The following SRRD variants were observed in gnomAD, a reference collection of about 807,000 sequenced individuals.
The protein encoded by SRRD is SRR1-like protein.
SRRD carries 28 observed loss-of-function variants against 30.7 expected under a neutral mutation model. The observed-to-expected ratio is 0.91, with a 90% CI of 0.68 to 1.25. SRRD has a LOEUF of 1.25. Among genes scored for constraint, SRRD ranks in the 50% most tolerant of loss-of-function variants. The pLI is 0.00. For synonymous variants in SRRD, 161 were observed against 159.6 expected, an observed-to-expected ratio of 1.01 and a Z score of -0.07; for missense variants, 415 against 417.3, an observed-to-expected ratio of 0.99 and a Z score of 0.05.
chr22:26,492,316 C>T lies in SRRD; in HGVS notation c.*644C>T, dbSNP rs561791002. ...CGTACTGGAAGTCCTTCCTCCGCTC[C>T]GTGTGGGTGAGATAGGCAATGTTCT... On this transcript the variant is annotated 3_prime_UTR_variant, in exon 7 of 7. Coordinates refer to ENST00000215917, the MANE Select transcript of SRRD (RefSeq NM_001013694.3). 3.8e-5 allele frequency: 61 copies of T among 1,614,192 alleles called. 1 individual carries two copies. The South Asian group carries it at 5.6e-4, about 15-fold the overall frequency.
intron 6 of SRRD, 194 bp from the exon 7 acceptor site, chr22:26,491,269 A>T (rs1392712540): frequency 1.5e-5 from 11 of 720,874 alleles, no homozygotes; most frequent in Non-Finnish European, 2.5e-5. Context: ...CTTTATTCTT[A>T]GTATCACAGT....
chr22:26,489,886 T>C (rs547985624), intron 4 of SRRD, among the ~76,000 whole-genome samples, 158 bp from the exon 5 acceptor site: 31 of 152,320 alleles, frequency 2.0e-4, no homozygotes, highest in African/African-American at 7.5e-4. Context: ...CCTGTAACTA[T>C]AGATTTCATA....
Position 26,483,911 on chromosome 22 carries a change from G to A in SRRD, c.21G>A (p.Ala7=), listed in dbSNP as rs956757921. The change falls in exon 1 of 7, where the codon GCG becomes GCA. Residue 7 remains alanine (A), a synonymous_variant. Transcript: ENST00000215917. MAAAAA[A]ALESWQAAAP... ...GACCAATGGCTGCGGCCGCAGCTGC[G>A]GCGCTGGAATCCTGGCAGGCGGCGG... 72 of 1,347,640 alleles carry A rather than the reference G, an allele frequency of 5.3e-5. No individual in the cohort carries two copies. The East Asian group carries it at 2.0e-3, about 37-fold the overall frequency. The allele number at this position is 1,347,640 out of a possible 1,614,324, so 83.5% of individuals were successfully genotyped here. A position where few individuals can be genotyped will look rare whatever the true frequency, so the allele number is the denominator to read the frequency against.
rs758342275 is a variant in SRRD at position 26,492,017 on chromosome 22, T to G, written c.*345T>G. ...TGGTTCTGGACCTGCCACAGTTCAC[T>G]TGGCCATGTCGATCAGGCTCTGCAG... On this transcript the variant is annotated 3_prime_UTR_variant, in exon 7 of 7. Transcript: ENST00000215917. The G allele has an allele frequency of 1.3e-6, 2 of 1,592,660 alleles. No homozygotes were observed. The highest frequency in any genetic ancestry group is 1.7e-6 in the Non-Finnish European group (2 of 1,169,542).
chr22:26,489,289 CCT>C (rs779976265), intron 4 of SRRD, among the ~76,000 whole-genome samples: 3 of 152,016 alleles, frequency 2.0e-5, no homozygotes, highest in Non-Finnish European at 4.4e-5. Flanking sequence ...GGAGCCAGTC[CCT>C]GTGTTCAGGG....
chr22:26,488,294 T>C lies in SRRD; in HGVS notation c.510+6T>C, dbSNP rs2147108484. ...TTTTGTTGGAAAAGTGCCAGGTACATTTTTGGATTCATTTTCATCTCCTCC... is the reference window on the plus strand; with the variant it reads ...TTTTGTTGGAAAAGTGCCAGGTACACTTTTGGATTCATTTTCATCTCCTCC... On this transcript the variant is annotated splice_donor_region_variant and intron_variant, in intron 3 of 6. Coordinates refer to ENST00000215917, the MANE Select transcript of SRRD (RefSeq NM_001013694.3). 1 of 1,613,150 alleles carries C rather than the reference T, an allele frequency of 6.2e-7. No individual in the cohort carries two copies. Among genetic ancestry groups the C allele is most frequent in the South Asian group, 1.1e-5 (1 of 91,064 alleles).
chr22:26,486,928 T>C (rs2091712994), intron 2 of SRRD, among the ~76,000 whole-genome samples: 3 of 150,304 alleles, frequency 2.0e-5, no homozygotes, highest in African/African-American at 7.3e-5. Context: ...TTTTTTTTTT[T>C]TTTTTTCTTT....
rs1469058188 is a variant in SRRD, at chr22:26,490,996, TTGTTTTTTTG to T, written c.765-28_765-19del. ...ACCTCCTAATCATGGTGTTTTTTTT[TTGTTTTTTTG>T]GTTTTTTTTAATTTCTAGGTTGTTG... On this transcript the variant is annotated intron_variant, in intron 5 of 6. Coordinates refer to ENST00000215917, the MANE Select transcript of SRRD (RefSeq NM_001013694.3). The T allele has an allele frequency of 2.5e-6, 4 of 1,597,392 alleles. No homozygotes were observed. Among genetic ancestry groups the T allele is most frequent in the East Asian group, 2.2e-5 (1 of 44,734 alleles).
rs2091725164 is a variant in SRRD at position 26,488,468 on chromosome 22, A to T, written c.589A>T (p.Thr197Ser). Residue 197 changes from threonine to serine, a missense_variant, in exon 4 of 7, where the codon ACT becomes TCT. By Grantham distance (58) the Thr-to-Ser change is moderately conservative (BLOSUM62 1). Coordinates refer to ENST00000215917, the MANE Select transcript of SRRD (RefSeq NM_001013694.3). Reference sequence around the variant, plus strand: ...TGAAGTCCTTAACACCCTTGGTGTGACTGTTCTCAGTGAGAACGAGGTAAG... The same window carrying T: ...TGAAGTCCTTAACACCCTTGGTGTGTCTGTTCTCAGTGAGAACGAGGTAAG... ...EIEVLNTLGV[T>S]VLSENEEGKR... is the part of the protein sequence containing the mutation. 6.2e-7 allele frequency: 1 copy of T among 1,614,026 alleles called. No individual in the cohort carries two copies. The highest frequency in any genetic ancestry group is 8.5e-7 in the Non-Finnish European group (1 of 1,179,850).
chr22:26,492,860 A>G lies in SRRD; in HGVS notation c.*1188A>G. 6.2e-6 allele frequency: 1 copy of G among 162,326 alleles called. No homozygotes were observed. The highest frequency in any genetic ancestry group is 1.4e-5 in the Non-Finnish European group (1 of 73,120). The allele number at this position is 162,326 out of a possible 1,614,324, so 10.1% of individuals were successfully genotyped here. A position where few individuals can be genotyped will look rare whatever the true frequency, so the allele number is the denominator to read the frequency against. On this transcript the variant is annotated 3_prime_UTR_variant, in exon 7 of 7. Coordinates refer to ENST00000215917, the MANE Select transcript of SRRD (RefSeq NM_001013694.3). ...TGAGTGTTTAAAGGATAATACCAAG[A>G]CCATAAATGCTAAGTGCTAATTGAG...
Position 26,493,393 on chromosome 22 carries a change from A to T in SRRD, c.*1721A>T, listed in dbSNP as rs1921476462. On this transcript the variant is annotated 3_prime_UTR_variant, in exon 7 of 7. Transcript: ENST00000215917. ...ATTCCAGTTCTAACTGCCACCCTTT[A>T]ACTATGTGACCTTGAACAGGCTCTC... is the stretch of plus-strand genomic sequence containing the variant. The T allele has an allele frequency of 6.6e-6, 1 of 152,242 alleles. No individual in the cohort carries two copies. Among genetic ancestry groups the T allele is most frequent in the Non-Finnish European group, 1.5e-5 (1 of 68,064 alleles). 9.4% of individuals were successfully genotyped at this position (152,242 alleles called of 1,614,324 possible). A position where few individuals can be genotyped will look rare whatever the true frequency, so the allele number is the denominator to read the frequency against.
intron 1 of SRRD, 101 bp from the exon 2 acceptor site, chr22:26,485,919 AGGG>A: frequency 7.3e-7 from 1 of 1,373,994 alleles, no homozygotes; most frequent in East Asian, 2.3e-5. Context: ...CCTGCATTGC[AGGG>A]CACCTCATTC....
Position 26,488,391 on chromosome 22 carries a change from T to G in SRRD, c.512T>G (p.Ile171Ser). Residue 171 changes from isoleucine (I) to serine (S), a missense_variant and splice_region_variant, in exon 4 of 7, where the codon ATT becomes AGT. By Grantham distance (142) the Ile-to-Ser change is moderately radical (BLOSUM62 -2). Transcript: ENST00000215917. ...AAACAACTCATTCTTCCCTTCTAGA[T>G]TCCCAGAAGTCACTGTTGGGTATAT... ...FLLLLLEKCQ[I>S]PRSHCWVYDP... 1 of 1,613,558 alleles carries G rather than the reference T, an allele frequency of 6.2e-7. No individual in the cohort carries two copies.
Position 26,494,245 on chromosome 22 carries a change from C to G in SRRD, c.*2573C>G. On this transcript the variant is annotated 3_prime_UTR_variant, in exon 7 of 7. Transcript: ENST00000215917. ...GGTCTGAGAACATCGACTTCCAACCCAGGTACCACTTGGTGATCTCCTCAT... is the reference window on the plus strand; with the variant it reads ...GGTCTGAGAACATCGACTTCCAACCGAGGTACCACTTGGTGATCTCCTCAT... The G allele has an allele frequency of 6.2e-7, 1 of 1,614,204 alleles. No homozygotes were observed.
At position 26,488,478 on chromosome 22, in the gene SRRD, G is replaced by A; in HGVS notation, c.599G>A (p.Ser200Asn). 2 of 1,612,922 alleles carry A rather than the reference G, an allele frequency of 1.2e-6. No homozygotes were observed. Among genetic ancestry groups the A allele is most frequent in the Non-Finnish European group, 1.7e-6 (2 of 1,178,860 alleles). The change falls in exon 4 of 7, where the codon AGT becomes AAT. Residue 200 changes from serine to asparagine, a missense_variant. By Grantham distance (46) the Ser-to-Asn change is conservative. Transcript: ENST00000215917. ...AACACCCTTGGTGTGACTGTTCTCA[G>A]TGAGAACGAGGTAAGTGGTTTAAAG... ...VLNTLGVTVL[S>N]ENEEGKRSIR...
chr22:26,491,335 C>A, intron 6 of SRRD, 128 bp from the exon 7 acceptor site: 1 of 827,602 alleles, frequency 1.2e-6, no homozygotes, highest in Non-Finnish European at 1.9e-6. Flanking sequence ...GCATTTAAAT[C>A]AAAATACCCT....
chr22:26,488,529 CTG>C (rs1202101366), intron 4 of SRRD, 41 bp downstream of exon 4: 8 of 1,483,272 alleles, frequency 5.4e-6, no homozygotes, highest in Non-Finnish European at 7.5e-6. Context: ...TGTAAAAATC[CTG>C]ACCAGACTCA....
In SRRD at chr22:26,493,819, G is replaced by C. The variant is rs1921556504; in HGVS notation, c.*2147G>C. ...ATGCGTCACCTAAGCAGCATGCTCA[G>C]GCATGAATGAGCCTTAAAAGGCCAC... On this transcript the variant is annotated 3_prime_UTR_variant, in exon 7 of 7. Transcript: ENST00000215917. 1 of 308,132 alleles carries C rather than the reference G, an allele frequency of 3.2e-6. No homozygotes were observed. Among genetic ancestry groups the C allele is most frequent in the African/African-American group, 2.2e-5 (1 of 46,440 alleles). The allele number at this position is 308,132 out of a possible 1,614,324, so 19.1% of individuals were successfully genotyped here.
At chr22:26,484,390 T>C (rs992771279) in intron 1 of SRRD, among the ~76,000 whole-genome samples, 1 of 152,230 alleles carries the variant, frequency 6.6e-6, no homozygotes, top group African/African-American at 2.4e-5. Flanking sequence ...CGTAGGTTTG[T>C]TTTGAGGATT....
Sources: gnomAD v4.1 joint callset for allele counts (sites outside exome capture counted in the v4.1 genomes callset) on GRCh38, gnomAD v4.1.1 for gene constraint, MANE v1.5 for transcripts, NCBI Gene and HGNC (gene_info 2026-07-23, HGNC 2026-07-21) for gene names.